Variants in TTC3 observed in about 807,000 individuals in gnomAD.
TTC3 encodes the protein E3 ubiquitin-protein ligase TTC3.
TTC3 carries 180 observed loss-of-function variants against 249.6 expected under a neutral mutation model. That is an observed-to-expected ratio of 0.72 (90% CI 0.64 to 0.82). TTC3 has a LOEUF of 0.82. TTC3 is among the 40% of genes least tolerant of loss of function. The pLI is 0.00. For synonymous variants in TTC3, 717 were observed against 805.0 expected, an observed-to-expected ratio of 0.89 and a Z score of 1.85; for missense variants, 2,061 against 2,398.4, an observed-to-expected ratio of 0.86 and a Z score of 2.94.
intron 21 of TTC3, among the ~76,000 whole-genome samples, chr21:37,144,998 T>A: frequency 6.6e-6 from 1 of 152,342 alleles, no homozygotes; most frequent in African/African-American, 2.4e-5. Flanking sequence ...GCATTCTGAC[T>A]TCTGAGTATG....
rs768897786 is a variant in TTC3 at position 37,195,662 on chromosome 21, G to A, written c.5218-13G>A. The A allele has an allele frequency of 6.3e-6, 10 of 1,589,164 alleles. No homozygotes were observed. The highest frequency in any genetic ancestry group is 3.5e-5 in the South Asian group (3 of 85,990). On this transcript the variant is annotated splice_polypyrimidine_tract_variant and intron_variant, in intron 41 of 45. Transcript: ENST00000355666. ...AGCCCTAAGTGATCCATGGTGTGGT[G>A]TGTTCCTCACAGGTTCATCCCGAGT...
intron 1 of TTC3, among the ~76,000 whole-genome samples, chr21:37,076,033 A>G (rs1360634842): frequency 2.6e-5 from 4 of 152,244 alleles, no homozygotes; most frequent in African/African-American, 9.6e-5. Flanking sequence ...CCAATAATCA[A>G]AATGACCAGT....
chr21:37,145,867 G>A (rs561844922), intron 21 of TTC3, among the ~76,000 whole-genome samples: 36 of 152,214 alleles, frequency 2.4e-4, no homozygotes, highest in Admixed American at 6.5e-4. Flanking sequence ...CCCAGGGAGG[G>A]AATTAATCTG....
intron 18 of TTC3, among the ~76,000 whole-genome samples, chr21:37,137,649 A>G (rs1389365312): frequency 1.3e-5 from 2 of 152,136 alleles, no homozygotes; most frequent in African/African-American, 4.8e-5. Context: ...GAAATGAGAA[A>G]CTTAGTTGAT....
chr21:37,086,539 G>GT (rs1379995521), intron 1 of TTC3: 2 of 152,210 alleles, frequency 1.3e-5, no homozygotes, highest in African/African-American at 2.4e-5. Flanking sequence ...TAATGTGAGG[G>GT]TTTTTTCCTT....
chr21:37,156,224 A>G (rs2148033598), intron 27 of TTC3, among the ~76,000 whole-genome samples: 1 of 144,858 alleles, frequency 6.9e-6, no homozygotes, highest in Non-Finnish European at 1.5e-5. Flanking sequence ...TTTTGTAAAG[A>G]TAGGGGTCTT....
At chr21:37,087,754 G>C in intron 2 of TTC3, 79 bp from the exon 3 acceptor site, 1 of 1,134,000 alleles carries the variant, frequency 8.8e-7, no homozygotes, top group East Asian at 2.4e-5. Context: ...AAAGTTCTTT[G>C]GTTAGTTCTG....
chr21:37,185,729 A>G (rs772165877), exon 37 of TTC3: 3 of 1,553,056 alleles, frequency 1.9e-6, no homozygotes, highest in Non-Finnish European at 2.6e-6. Flanking sequence ...AATGATGGAA[A>G]GGAAAAGGAA....
At chr21:37,126,519 T>A (rs1372320400) in intron 15 of TTC3, among the ~76,000 whole-genome samples, 2 of 152,178 alleles carry the variant, frequency 1.3e-5, no homozygotes, top group East Asian at 1.9e-4. Context: ...CCTCATAAAA[T>A]TTTAATAGCT....
At chr21:37,173,116 G>A (rs971524711) in intron 35 of TTC3, among the ~76,000 whole-genome samples, 2 of 152,140 alleles carry the variant, frequency 1.3e-5, no homozygotes, top group African/African-American at 4.8e-5. Context: ...GACTGGCTGG[G>A]TTCAGATCTA....
Position 37,076,694 on chromosome 21 carries a change from A to ATTTTTTTTT in TTC3, c.-12+3348_-12+3356dup, listed in dbSNP as rs61629167. ...AAACTCCCTTGGGGAAAACAAAGGG[A>ATTTTTTTTT]TTTTTTTTTTTTTTTTTTTTTTTTT... On this transcript the variant is annotated intron_variant, in intron 1 of 45. Transcript: ENST00000355666. 2.3e-3 allele frequency among the ~76,000 whole-genome samples: 223 copies of ATTTTTTTTT among 94,946 alleles called. 12 individuals are homozygous for ATTTTTTTTT. Among genetic ancestry groups the ATTTTTTTTT allele is most frequent in the African/African-American group, 4.1e-3 (87 of 21,226 alleles). The allele number at this position is 94,946 out of a possible 152,430, so 62.3% of individuals were successfully genotyped here.
exon 23 of TTC3, chr21:37,148,639 A>G: frequency 1.9e-6 from 3 of 1,585,724 alleles, no homozygotes; most frequent in Non-Finnish European, 2.6e-6. Context: ...TAATGATAAA[A>G]TTGACAAGGT....
chr21:37,144,748 C>A (rs768381217), intron 21 of TTC3, 103 bp downstream of exon 21: 41 of 1,385,806 alleles, frequency 3.0e-5, no homozygotes, highest in Admixed American at 9.6e-5. Flanking sequence ...CCATCCCCAC[C>A]TCCCTTACAC....
At chr21:37,091,658 T>G (rs1191654655) in intron 7 of TTC3, 1 of 162,272 alleles carries the variant, frequency 6.2e-6, no homozygotes, top group Non-Finnish European at 1.3e-5. Flanking sequence ...CTCTGCTCAC[T>G]GCAAGCTCCG....
intron 29 of TTC3, among the ~76,000 whole-genome samples, chr21:37,160,168 T>C (rs151090912): frequency 7.2e-4 from 110 of 152,356 alleles, no homozygotes; most frequent in African/African-American, 2.5e-3. Context: ...GTTGTCTTCC[T>C]TAGTAGTTTG....
chr21:37,156,390 A>G (rs966568883), intron 27 of TTC3, among the ~76,000 whole-genome samples: 3 of 152,142 alleles, frequency 2.0e-5, no homozygotes, highest in Non-Finnish European at 4.4e-5. Flanking sequence ...TCCTAGGTCT[A>G]ATAAAGGTAA....
chr21:37,136,885 G>A lies in TTC3; in HGVS notation c.1578+1371G>A, dbSNP rs761737465. On this transcript the variant is annotated intron_variant, in intron 18 of 45. Transcript: ENST00000355666. ...TACTCATTAGGGGCTGATGCAGCTG[G>A]TGACTTAAGTTGAAGCCAGTGCTCA... is the stretch of plus-strand genomic sequence containing the variant. Among the ~76,000 whole-genome samples, 6 of 152,272 alleles carry A rather than the reference G, an allele frequency of 3.9e-5. No individual in the cohort carries two copies. The South Asian group carries it at 8.3e-4, about 21-fold the overall frequency.
At chr21:37,170,932 C>T (rs1430500175) in intron 34 of TTC3, among the ~76,000 whole-genome samples, 1 of 152,146 alleles carries the variant, frequency 6.6e-6, no homozygotes, top group African/African-American at 2.4e-5. Context: ...GATGGGATCA[C>T]AGCATATATA....
At chr21:37,200,246 T>G (rs776569052) in exon 45 of TTC3, 1 of 1,614,186 alleles carries the variant, frequency 6.2e-7, no homozygotes, top group South Asian at 1.1e-5. Context: ...TGGGTGCAAG[T>G]TCCTGTGAAA....
Sources: gnomAD v4.1 joint callset for allele counts (sites outside exome capture counted in the v4.1 genomes callset) on GRCh38, gnomAD v4.1.1 for gene constraint, MANE v1.5 for transcripts, NCBI Gene and HGNC (gene_info 2026-07-23, HGNC 2026-07-21) for gene names.